TTC28: variants seen among roughly 807,000 people sequenced by gnomAD.
The protein encoded by TTC28 is tetratricopeptide repeat domain 28, also known as tetratricopeptide repeat protein 28.
A neutral mutation model predicts 198.0 loss-of-function variants in TTC28; 61 were observed. The observed-to-expected ratio is 0.31, with a 90% CI of 0.25 to 0.38. The LOEUF (loss-of-function observed/expected upper bound fraction) is 0.38, where lower values mean the gene tolerates loss of function less well. TTC28 is among the 10% of genes least tolerant of loss of function. TTC28 has a pLI of 1.00. For missense variants in TTC28, 2,678 were observed against 3,164.0 expected (o/e 0.85, Z 3.69); for synonymous variants, 1,171 against 1,297.8 (o/e 0.90, Z 2.10).
intron 2 of TTC28, among the ~76,000 whole-genome samples, chr22:28,333,399 T>A (rs962655013): frequency 6.6e-6 from 1 of 152,130 alleles, no homozygotes; most frequent in Non-Finnish European, 1.5e-5. Flanking sequence ...CTTGAAATCA[T>A]AATAGTCTGG....
At chr22:28,072,367 G>A (rs1188890302) in intron 12 of TTC28, among the ~76,000 whole-genome samples, 1 of 152,218 alleles carries the variant, frequency 6.6e-6, no homozygotes, top group South Asian at 2.1e-4. Context: ...TCAGGAGCTT[G>A]AAATGCAGAC....
chr22:28,357,006 G>A (rs886291473), intron 2 of TTC28, among the ~76,000 whole-genome samples: 1 of 152,098 alleles, frequency 6.6e-6, no homozygotes, highest in Non-Finnish European at 1.5e-5. Context: ...AATAATGTCT[G>A]CATAGAACAT....
chr22:28,023,649 C>G (rs1402694936), intron 13 of TTC28, among the ~76,000 whole-genome samples: 1 of 152,184 alleles, frequency 6.6e-6, no homozygotes, highest in Non-Finnish European at 1.5e-5. Context: ...CTGGATTAGT[C>G]AGAGTTGTCT....
chr22:28,527,242 T>A (rs540661689), intron 2 of TTC28, among the ~76,000 whole-genome samples: 73 of 152,318 alleles, frequency 4.8e-4, no homozygotes, highest in African/African-American at 1.7e-3. Flanking sequence ...TCAGGATTCC[T>A]GCCCACACTG....
intron 2 of TTC28, among the ~76,000 whole-genome samples, chr22:28,351,970 T>C (rs574986850): frequency 3.3e-5 from 5 of 152,298 alleles, no homozygotes; most frequent in African/African-American, 1.2e-4. Context: ...TGATTCATGA[T>C]ACAATTTTGA....
At position 28,101,234 on chromosome 22, in the gene TTC28, T is replaced by A. The variant is rs1455290966; in HGVS notation, c.3354A>T (p.Lys1118Asn). The A allele has an allele frequency of 1.3e-6, 2 of 1,551,872 alleles. No homozygotes were observed. The highest frequency in any genetic ancestry group is 1.7e-6 in the Non-Finnish European group (2 of 1,147,018). Residue 1118 changes from lysine (K) to asparagine (N), a missense_variant, in exon 9 of 23, where the codon AAA becomes AAT. This residue lies in a region of TTC28 where 727 missense variants were observed against 861.9 expected (regional missense o/e 0.84). Transcript: ENST00000397906. ...GGGAGAGGCCAAGGCCATGGCGAAT[T>A]TTTGCCTCATCTTCTCTTCGGCCCA... is the stretch of plus-strand genomic sequence containing the variant. Reference protein sequence around the residue: ...EQLGRREDEAKIRHGLGLSLW... With the variant: ...EQLGRREDEANIRHGLGLSLW...
intron 2 of TTC28, among the ~76,000 whole-genome samples, chr22:28,518,789 G>T (rs562774866): frequency 6.6e-6 from 1 of 152,106 alleles, no homozygotes; most frequent in Admixed American, 6.6e-5. Flanking sequence ...TATCAATTAC[G>T]AAAGTAGTAA....
chr22:28,080,553 T>TTGTTGTTGC (rs1159516411), intron 12 of TTC28, among the ~76,000 whole-genome samples: 1 of 152,150 alleles, frequency 6.6e-6, no homozygotes, highest in Non-Finnish European at 1.5e-5. Flanking sequence ...GTTGTTGTTG[T>TTGTTGTTGC]TGTTAAGTTG....
At chr22:28,197,857 A>T (rs765225519) in intron 5 of TTC28, among the ~76,000 whole-genome samples, 6 of 152,090 alleles carry the variant, frequency 3.9e-5, no homozygotes, top group Non-Finnish European at 5.9e-5. Flanking sequence ...TTTATTTTTT[A>T]AAATTCACTA....
chr22:28,305,433 T>G (rs2045124288), intron 3 of TTC28, among the ~76,000 whole-genome samples: 3 of 152,308 alleles, frequency 2.0e-5, no homozygotes, highest in Admixed American at 6.5e-5. Context: ...TTTATAGCTA[T>G]GAATTACCCA....
chr22:28,276,414 A>C (rs921530463), intron 5 of TTC28, among the ~76,000 whole-genome samples: 1 of 152,188 alleles, frequency 6.6e-6, no homozygotes, highest in South Asian at 2.1e-4. Flanking sequence ...CAAAGGAAAA[A>C]TAAGTACCTG....
chr22:28,571,973 CA>C (rs372116802), intron 2 of TTC28, among the ~76,000 whole-genome samples: 8 of 142,894 alleles, frequency 5.6e-5, no homozygotes, highest in East Asian at 2.1e-4. Flanking sequence ...AAAAAACAAA[CA>C]AAAAAAAAAC....
intron 2 of TTC28, among the ~76,000 whole-genome samples, chr22:28,337,688 G>A (rs2045753568): frequency 6.6e-6 from 1 of 152,026 alleles, no homozygotes; most frequent in Non-Finnish European, 1.5e-5. Flanking sequence ...TTTTCCATTT[G>A]CTTGGTAGAT....
At chr22:28,144,060 C>T (rs1943403592) in intron 6 of TTC28, among the ~76,000 whole-genome samples, 1 of 152,164 alleles carries the variant, frequency 6.6e-6, no homozygotes, top group Non-Finnish European at 1.5e-5. Flanking sequence ...AGTTTCAGTC[C>T]AATACCAGCC....
chr22:28,188,019 C>G (rs1200961482), intron 5 of TTC28, among the ~76,000 whole-genome samples: 1 of 152,156 alleles, frequency 6.6e-6, no homozygotes, highest in Non-Finnish European at 1.5e-5. Flanking sequence ...CATTGAGTGC[C>G]TACTATGTGC....
At chr22:28,659,205 T>C (rs2051704806) in intron 1 of TTC28, among the ~76,000 whole-genome samples, 1 of 152,196 alleles carries the variant, frequency 6.6e-6, no homozygotes, top group African/African-American at 2.4e-5. Context: ...AATAACTCCA[T>C]CACAGTATAA....
intron 2 of TTC28, among the ~76,000 whole-genome samples, chr22:28,434,393 T>C (rs140960012): frequency 7.9e-5 from 12 of 152,106 alleles, no homozygotes; most frequent in African/African-American, 2.9e-4. Context: ...CCTAAAAAAA[T>C]GGGCAGGTAT....
At chr22:28,600,648 T>C (rs568907916) in intron 2 of TTC28, among the ~76,000 whole-genome samples, 16 of 152,276 alleles carry the variant, frequency 1.1e-4, no homozygotes, top group African/African-American at 3.9e-4. Flanking sequence ...CTTCAGAGAA[T>C]ACACATATAA....
At chr22:28,081,005 G>C (rs994763910) in intron 12 of TTC28, among the ~76,000 whole-genome samples, 1 of 151,814 alleles carries the variant, frequency 6.6e-6, no homozygotes, top group Non-Finnish European at 1.5e-5. Flanking sequence ...ACACATAAGG[G>C]TTTATTTCTG....
Sources: gnomAD v4.1 joint callset for allele counts (sites outside exome capture counted in the v4.1 genomes callset) on GRCh38, gnomAD v4.1.1 for gene constraint, gnomAD v4.1.1 regional missense constraint, MANE v1.5 for transcripts, NCBI Gene and HGNC (gene_info 2026-07-23, HGNC 2026-07-21) for gene names.